Variants in PPFIA1 observed in about 807,000 individuals in gnomAD.
PPFIA1 encodes PPFI scaffold protein A1.
PPFIA1 carries 25 observed loss-of-function variants against 149.9 expected under a neutral mutation model. The observed-to-expected ratio is 0.17, with a 90% CI of 0.12 to 0.23. The LOEUF (loss-of-function observed/expected upper bound fraction) is 0.23, where lower values mean the gene tolerates loss of function less well. Ranked by LOEUF, PPFIA1 falls within the 10% of genes least tolerant of loss-of-function variation. The pLI, the probability that PPFIA1 is intolerant of heterozygous loss-of-function variation, is 1.00. For missense variants in PPFIA1, 1,362 were observed against 1,506.5 expected (o/e 0.90, Z 1.59); for synonymous variants, 549 against 552.8 (o/e 0.99, Z 0.10).
chr11:70,330,556 A>G (rs559460043), intron 8 of PPFIA1, among the ~76,000 whole-genome samples: 3 of 152,220 alleles, frequency 2.0e-5, no homozygotes, highest in Admixed American at 6.5e-5. Flanking sequence ...AAGTTAATCT[A>G]TTGCTTGTTA....
intron 19 of PPFIA1, among the ~76,000 whole-genome samples, chr11:70,358,907 C>A (rs1013029347): frequency 6.6e-6 from 1 of 152,170 alleles, no homozygotes; most frequent in Admixed American, 6.5e-5. Flanking sequence ...AATTCCCCAG[C>A]GTTCTTGAAA....
Position 70,325,589 on chromosome 11 carries a change from T to G in PPFIA1, c.606+15T>G, listed in dbSNP as rs2054214563. On this transcript the variant is annotated intron_variant, in intron 5 of 27. Transcript: ENST00000253925. ...CACACAAAGAGGTAAGCTTGAGACT[T>G]CATCATGAGTTGAATTGGGGGGGGG... The G allele has an allele frequency of 6.7e-7, 1 of 1,503,708 alleles. No individual in the cohort carries two copies. 93.1% of individuals were successfully genotyped at this position (1,503,708 alleles called of 1,614,324 possible).
chr11:70,273,483 G>T (rs947720618), intron 2 of PPFIA1, among the ~76,000 whole-genome samples: 10 of 152,134 alleles, frequency 6.6e-5, no homozygotes, highest in African/African-American at 2.2e-4. Context: ...TAGGCGCCAC[G>T]TTACTCATCA....
intron 2 of PPFIA1, among the ~76,000 whole-genome samples, chr11:70,317,896 C>CAT (rs1565386690): frequency 6.6e-6 from 1 of 152,118 alleles, no homozygotes; most frequent in Non-Finnish European, 1.5e-5. Flanking sequence ...GAAATTTGTT[C>CAT]ATAATAGACT....
At chr11:70,370,901 G>A (rs1265161273) in intron 21 of PPFIA1, among the ~76,000 whole-genome samples, 1 of 152,142 alleles carries the variant, frequency 6.6e-6, no homozygotes, top group East Asian at 1.9e-4. Flanking sequence ...AGGCCAAGGT[G>A]GGTGGTGGAT....
At position 70,382,948 on chromosome 11, in the gene PPFIA1, C is replaced by T. The variant is rs531473610; in HGVS notation, c.*13-55C>T. On this transcript the variant is annotated intron_variant, in intron 27 of 27. Coordinates refer to ENST00000253925, the MANE Select transcript of PPFIA1 (RefSeq NM_003626.5). ...GGCCCCAGCATCAGAAGTTCCCGTT[C>T]GTCAGTATGGCCCGGCCTGTACTGA... 34 of 361,290 alleles carry T rather than the reference C, an allele frequency of 9.4e-5. No homozygotes were observed. The Middle Eastern group carries it at 1.8e-3, about 19-fold the overall frequency. The allele number at this position is 361,290 out of a possible 1,614,324, so 22.4% of individuals were successfully genotyped here. A position where few individuals can be genotyped will look rare whatever the true frequency, so the allele number is the denominator to read the frequency against.
intron 2 of PPFIA1, among the ~76,000 whole-genome samples, chr11:70,277,585 T>C (rs552575935): frequency 9.2e-5 from 14 of 151,512 alleles, no homozygotes; most frequent in Middle Eastern, 3.2e-3. Flanking sequence ...CCATCTCCCA[T>C]GTTTGAGCGA....
At position 70,290,887 on chromosome 11, in the gene PPFIA1, T is replaced by C; in HGVS notation, c.264+18451T>C. On this transcript the variant is annotated intron_variant, in intron 2 of 27. Coordinates refer to ENST00000253925, the MANE Select transcript of PPFIA1 (RefSeq NM_003626.5). ...TCAGTGTTTCTGAGCGATTGATCTC[T>C]TGAAATCTCTTTTTTTTGAGACAGT... Among the ~76,000 whole-genome samples the C allele has an allele frequency of 1.3e-5, 2 of 152,206 alleles. 1 individual carries two copies. Among genetic ancestry groups the C allele is most frequent in the Non-Finnish European group, 2.9e-5 (2 of 68,042 alleles).
At chr11:70,327,308 CTCATTTTCTG>C in intron 7 of PPFIA1, 1 of 153,850 alleles carries the variant, frequency 6.5e-6, no homozygotes, top group South Asian at 2.0e-4. Context: ...TGGCGGTCTT[CTCATTTTCTG>C]ACCTGCTCCT....
At position 70,330,188 on chromosome 11, in the gene PPFIA1, G is replaced by A. The variant is rs2054568217; in HGVS notation, c.946G>A (p.Glu316Lys). 6.3e-7 allele frequency: 1 copy of A among 1,595,828 alleles called. No homozygotes were observed. Among genetic ancestry groups the A allele is most frequent in the South Asian group, 1.1e-5 (1 of 87,078 alleles). The stretch of plus-strand genomic sequence containing the variant: ...CCTAATTTAGGCCATGGCCCAAAAG[G>A]AAGATATGGAAGAGAGAATCACTAC... ...RDVREAMAQK[E>K]DMEERITTLE... Residue 316 changes from glutamate (E) to lysine (K), a missense_variant, in exon 8 of 28, where the codon GAA becomes AAA. Around this residue, in one of 7 missense-constraint regions of PPFIA1, gnomAD observed 733 missense variants for 744.1 expected, o/e 0.99. Coordinates refer to ENST00000253925, the MANE Select transcript of PPFIA1 (RefSeq NM_003626.5).
chr11:70,273,442 A>G (rs2050209780), intron 2 of PPFIA1, among the ~76,000 whole-genome samples: 1 of 152,110 alleles, frequency 6.6e-6, no homozygotes, highest in African/African-American at 2.4e-5. Context: ...AGTGGGAGAG[A>G]AGTGGGTTAT....
In PPFIA1 at chr11:70,339,020, G is replaced by T. The variant is rs1007515841; in HGVS notation, c.1572-151G>T. On this transcript the variant is annotated intron_variant, in intron 13 of 27. Coordinates refer to ENST00000253925, the MANE Select transcript of PPFIA1 (RefSeq NM_003626.5). ...ACTGTTGGCCTGGAGCAGGCAACAT[G>T]TAGCTCTTGGGGCAGATGAGAGCAG... 9.2e-6 allele frequency: 8 copies of T among 873,886 alleles called. No individual in the cohort carries two copies. In the African/African-American group the frequency reaches 1.2e-4, roughly 13 times the overall value. The allele number at this position is 873,886 out of a possible 1,614,324, so 54.1% of individuals were successfully genotyped here. A position where few individuals can be genotyped will look rare whatever the true frequency, so the allele number is the denominator to read the frequency against.
intron 16 of PPFIA1, among the ~76,000 whole-genome samples, chr11:70,351,208 C>T (rs2056036308): frequency 2.0e-5 from 3 of 152,176 alleles, no homozygotes; most frequent in African/African-American, 7.2e-5. Flanking sequence ...TGGTCATTAG[C>T]GGTTTTCACA....
At chr11:70,345,460 A>G (rs566048896) in intron 15 of PPFIA1, among the ~76,000 whole-genome samples, 10 of 152,254 alleles carry the variant, frequency 6.6e-5, no homozygotes, top group African/African-American at 2.4e-4. Context: ...TGGAGTGCCA[A>G]CAAGATTTGC....
At chr11:70,294,352 G>A (rs2136241142) in intron 2 of PPFIA1, among the ~76,000 whole-genome samples, 1 of 152,240 alleles carries the variant, frequency 6.6e-6, no homozygotes, top group South Asian at 2.1e-4. Context: ...GGAAGTTGGC[G>A]AGGGTCAAAG....
Position 70,354,375 on chromosome 11 carries a change from G to T in PPFIA1, c.2238G>T (p.Pro746=). 2 of 1,614,040 alleles carry T rather than the reference G, an allele frequency of 1.2e-6. No individual in the cohort carries two copies. Among genetic ancestry groups the T allele is most frequent in the Non-Finnish European group, 1.7e-6 (2 of 1,180,008 alleles). Residue 746 remains proline, a synonymous_variant, in exon 17 of 28, where the codon CCG becomes CCT. Coordinates refer to ENST00000253925, the MANE Select transcript of PPFIA1 (RefSeq NM_003626.5). ...IKCETSPPSS[P]RALRLDRLHK... Reference sequence around the variant, plus strand: ...GTGAAACCTCCCCGCCTTCCTCCCCGAGAGCCCTTCGGTTAGACCGGCTGC... The same window carrying T: ...GTGAAACCTCCCCGCCTTCCTCCCCTAGAGCCCTTCGGTTAGACCGGCTGC...
chr11:70,324,763 C>A, intron 3 of PPFIA1, 84 bp from the exon 4 acceptor site: 3 of 1,283,598 alleles, frequency 2.3e-6, no homozygotes, highest in South Asian at 1.5e-5. Flanking sequence ...TAGTATGAGA[C>A]TGTAAAGGAG....
At chr11:70,347,616 G>A (rs568587845) in intron 15 of PPFIA1, among the ~76,000 whole-genome samples, 1 of 152,332 alleles carries the variant, frequency 6.6e-6, no homozygotes, top group East Asian at 1.9e-4. Context: ...TGAGGCAGGA[G>A]GATCCCTTGA....
intron 8 of PPFIA1, among the ~76,000 whole-genome samples, chr11:70,331,722 G>A (rs533073024): frequency 2.7e-4 from 41 of 151,480 alleles, no homozygotes; most frequent in African/African-American, 9.7e-4. Flanking sequence ...GGAGGTTGCA[G>A]TGAGCCAAGA....
Sources: gnomAD v4.1 joint callset for allele counts (sites outside exome capture counted in the v4.1 genomes callset) on GRCh38, gnomAD v4.1.1 for gene constraint, gnomAD v4.1.1 regional missense constraint, MANE v1.5 for transcripts, NCBI Gene and HGNC (gene_info 2026-07-23, HGNC 2026-07-21) for gene names.